Variants in EPHA6 observed in about 807,000 individuals in gnomAD.
EPHA6 encodes the protein ephrin type-A receptor 6.
In EPHA6, 50 loss-of-function variants were observed where a neutral mutation model predicts 112.0. That is an observed-to-expected ratio of 0.45 (90% CI 0.36 to 0.56). The LOEUF (loss-of-function observed/expected upper bound fraction) is 0.56. EPHA6 is among the 20% of genes least tolerant of loss of function. EPHA6 has a pLI of 0.00. For missense variants in EPHA6, 1,280 were observed against 1,417.4 expected, an observed-to-expected ratio of 0.90 and a Z score of 1.56; for synonymous variants, 529 against 490.7, an observed-to-expected ratio of 1.08 and a Z score of -1.03.
rs145344032 is a variant in EPHA6 at position 97,397,995 on chromosome 3, G to A, written c.1607-7155G>A. Among the ~76,000 whole-genome samples the A allele has an allele frequency of 3.0e-3, 460 of 151,488 alleles. 3 individuals carry two copies. Among genetic ancestry groups the A allele is most frequent in the Non-Finnish European group, 4.0e-3 (268 of 67,510 alleles). ...ATGAAATCCATTTTTATTTGTTACC[G>A]TTTTATAAAAGTATAGGATGGAACT... On this transcript the variant is annotated intron_variant, in intron 5 of 17. Transcript: ENST00000389672.
At chr3:97,619,826 A>G (rs1228342848) in intron 13 of EPHA6, among the ~76,000 whole-genome samples, 3 of 152,186 alleles carry the variant, frequency 2.0e-5, no homozygotes, top group African/African-American at 7.2e-5. Flanking sequence ...AATATTGTTA[A>G]AGTGGCCATA....
At chr3:97,565,584 T>C (rs2093252847) in intron 11 of EPHA6, among the ~76,000 whole-genome samples, 1 of 152,192 alleles carries the variant, frequency 6.6e-6, no homozygotes, top group African/African-American at 2.4e-5. Flanking sequence ...TTTCAAGTTC[T>C]TGCCACTGAA....
chr3:97,517,564 A>T (rs1178794767), intron 10 of EPHA6, among the ~76,000 whole-genome samples: 3 of 152,148 alleles, frequency 2.0e-5, no homozygotes, highest in Non-Finnish European at 2.9e-5. Context: ...TAATTAAAAA[A>T]TTTGTTACTT....
At chr3:97,745,368 T>C in intron 16 of EPHA6, 1 of 453,990 alleles carries the variant, frequency 2.2e-6, no homozygotes, top group Non-Finnish European at 4.4e-6. Flanking sequence ...GGTCAAATCA[T>C]GAATCATTTT....
chr3:97,329,085 C>T lies in EPHA6; in HGVS notation c.1607-76065C>T, dbSNP rs545796467. ...TGCGGTGTTTGGTTTTTTGTCCTTG[C>T]GATAGTTTGCTGAGAATGATGGTTT... On this transcript the variant is annotated intron_variant, in intron 5 of 17. Coordinates refer to ENST00000389672, the MANE Select transcript of EPHA6 (RefSeq NM_001080448.3). 3.7e-3 allele frequency among the ~76,000 whole-genome samples: 563 copies of T among 151,984 alleles called. 1 individual carries two copies. The highest frequency in any genetic ancestry group is 0.012 in the African/African-American group (514 of 41,476).
intron 11 of EPHA6, among the ~76,000 whole-genome samples, chr3:97,533,670 G>C (rs948708002): frequency 2.6e-5 from 4 of 151,672 alleles, no homozygotes; most frequent in Admixed American, 1.3e-4. Context: ...GCAAGTAAAG[G>C]CATCTTACAT....
At chr3:97,154,182 T>C (rs373698245) in intron 3 of EPHA6, among the ~76,000 whole-genome samples, 3 of 134,876 alleles carry the variant, frequency 2.2e-5, no homozygotes, top group Non-Finnish European at 4.5e-5. Context: ...AAAAAAAAAA[T>C]ATCAGTCTTT....
chr3:97,184,090 C>T (rs1423967404), intron 3 of EPHA6, among the ~76,000 whole-genome samples: 1 of 151,984 alleles, frequency 6.6e-6, no homozygotes, highest in Non-Finnish European at 1.5e-5. Context: ...TGGAGTTGTA[C>T]CTTTGCCATG....
At chr3:97,739,703 T>G (rs2107868230) in intron 16 of EPHA6, among the ~76,000 whole-genome samples, 1 of 152,224 alleles carries the variant, frequency 6.6e-6, no homozygotes, top group South Asian at 2.1e-4. Flanking sequence ...GTTCCCAACA[T>G]GCTTGCTTTC....
chr3:97,251,809 C>A (rs2108598756), intron 5 of EPHA6, among the ~76,000 whole-genome samples: 1 of 152,168 alleles, frequency 6.6e-6, no homozygotes, highest in Non-Finnish European at 1.5e-5. Flanking sequence ...AAATGCGGGA[C>A]CCTTTGTTCA....
chr3:96,861,836 T>C (rs906678866), intron 1 of EPHA6, among the ~76,000 whole-genome samples: 4 of 152,000 alleles, frequency 2.6e-5, no homozygotes, highest in African/African-American at 9.6e-5. Flanking sequence ...TAAGAAAGTA[T>C]GATCCTCTTT....
chr3:97,197,147 G>A (rs982788479), intron 3 of EPHA6, among the ~76,000 whole-genome samples: 2 of 151,936 alleles, frequency 1.3e-5, no homozygotes, highest in South Asian at 2.1e-4. Context: ...CCAGGAGGCC[G>A]CTTAGTGTTC....
chr3:97,592,578 A>T (rs905345968), intron 11 of EPHA6, 34 bp from the exon 12 acceptor site: 4 of 1,611,116 alleles, frequency 2.5e-6, no homozygotes, highest in Middle Eastern at 3.4e-4. Context: ...CATAAAGAAG[A>T]CTTTGATTAA....
intron 11 of EPHA6, among the ~76,000 whole-genome samples, chr3:97,543,300 G>T (rs939812636): frequency 6.6e-6 from 1 of 152,102 alleles, no homozygotes; most frequent in Admixed American, 6.5e-5. Context: ...TCCAGTTTCA[G>T]CTTTCTACAT....
chr3:97,097,033 T>C (rs879564904), intron 3 of EPHA6, among the ~76,000 whole-genome samples: 9 of 151,580 alleles, frequency 5.9e-5, no homozygotes, highest in Non-Finnish European at 1.3e-4. Context: ...AAAAATCCAA[T>C]TGGGGGTCAT....
intron 5 of EPHA6, among the ~76,000 whole-genome samples, chr3:97,248,359 C>T (rs1418461129): frequency 2.0e-5 from 3 of 151,944 alleles, no homozygotes; most frequent in African/African-American, 4.8e-5. Context: ...ATGCAGAAGA[C>T]ATTTGATTTT....
At chr3:97,327,735 C>T (rs7633330) in intron 5 of EPHA6, among the ~76,000 whole-genome samples, 13,013 of 151,206 alleles carry the variant, frequency 0.086, 1,089 homozygotes, top group Admixed American at 0.22. Context: ...ATATAACTTT[C>T]GGATATTTGC....
At chr3:97,057,353 A>T (rs1175579141) in intron 3 of EPHA6, among the ~76,000 whole-genome samples, 1 of 152,238 alleles carries the variant, frequency 6.6e-6, no homozygotes, top group Non-Finnish European at 1.5e-5. Flanking sequence ...ATGTAGCTGC[A>T]TACAGCACAC....
chr3:97,145,092 T>TA (rs1452235372), intron 3 of EPHA6, among the ~76,000 whole-genome samples: 1 of 151,530 alleles, frequency 6.6e-6, no homozygotes, highest in Non-Finnish European at 1.5e-5. Context: ...TCTGTGTATA[T>TA]ATAGAACTGT....
Sources: gnomAD v4.1 joint callset for allele counts (sites outside exome capture counted in the v4.1 genomes callset) on GRCh38, gnomAD v4.1.1 for gene constraint, MANE v1.5 for transcripts, NCBI Gene and HGNC (gene_info 2026-07-23, HGNC 2026-07-21) for gene names.